CTCF: variants seen among roughly 807,000 people sequenced by gnomAD.
The protein encoded by CTCF is transcriptional repressor CTCF.
In CTCF, 7 loss-of-function variants were observed where a neutral mutation model predicts 72.3. The ratio of observed to expected loss-of-function variants is 0.10; its 90% CI spans 0.06 to 0.18. CTCF has a LOEUF of 0.18. Among genes scored for constraint, CTCF ranks in the 10% least tolerant of loss-of-function variants. The probability of loss-of-function intolerance (pLI) is 1.00; values close to 1 mark genes in which losing one functional copy is unlikely to be tolerated. For synonymous variants in CTCF, 374 were observed against 315.8 expected, an observed-to-expected ratio of 1.18 and a Z score of -1.95; for missense variants, 516 against 949.1, an observed-to-expected ratio of 0.54 and a Z score of 6.00.
chr16:67,565,794 TA>T (rs11343806), intron 1 of CTCF, among the ~76,000 whole-genome samples: 6,299 of 152,244 alleles, frequency 0.041, 434 homozygotes, highest in African/African-American at 0.14. Context: ...CTAAGAGCTT[TA>T]GGATTTTATT....
chr16:67,589,752 C>T (rs1165512776), intron 2 of CTCF, among the ~76,000 whole-genome samples: 2 of 152,140 alleles, frequency 1.3e-5, no homozygotes, highest in African/African-American at 2.4e-5. Context: ...CCTCCAGCCC[C>T]AAATGACGCT....
Position 67,636,683 on chromosome 16 carries a change from T to C in CTCF, c.1838-7T>C. The C allele has an allele frequency of 6.3e-7, 1 of 1,582,556 alleles. No homozygotes were observed. Among genetic ancestry groups the C allele is most frequent in the Non-Finnish European group, 8.6e-7 (1 of 1,162,946 alleles). On this transcript the variant is annotated splice_polypyrimidine_tract_variant and splice_region_variant and intron_variant, in intron 10 of 11. Transcript: ENST00000264010. ...CCACCACCTGTGCTTCCTGATTTCA[T>C]GAAAAGAAAATGCTGAACCAGATCT...
Position 67,620,833 on chromosome 16 carries a change from T to C in CTCF, c.1207+16T>C, listed in dbSNP as rs1013632884. 1 of 1,563,726 alleles carries C rather than the reference T, an allele frequency of 6.4e-7. No homozygotes were observed. Among genetic ancestry groups the C allele is most frequent in the Non-Finnish European group, 8.7e-7 (1 of 1,143,848 alleles). Reference sequence around the variant, plus strand: ...ACCCATTCAGGTAGGACTTCTCCACTCCTTACTGTATTAATGAGCTTCTTT... The same window carrying C: ...ACCCATTCAGGTAGGACTTCTCCACCCCTTACTGTATTAATGAGCTTCTTT... On this transcript the variant is annotated intron_variant, in intron 6 of 11. Coordinates refer to ENST00000264010, the MANE Select transcript of CTCF (RefSeq NM_006565.4).
chr16:67,604,963 G>GA (rs1555533446), intron 2 of CTCF, among the ~76,000 whole-genome samples: 1 of 118,190 alleles, frequency 8.5e-6, no homozygotes, highest in Non-Finnish European at 1.7e-5. Flanking sequence ...GTATAAATGG[G>GA]ATTTTTTTTT....
chr16:67,637,944 C>T lies in CTCF; in HGVS notation c.*72C>T, dbSNP rs142091666. The T allele has an allele frequency of 1.5e-3, 2,054 of 1,331,138 alleles. 32 individuals are homozygous for T. The African/African-American group carries it at 0.026, about 17-fold the overall frequency. The allele number at this position is 1,331,138 out of a possible 1,614,324, so 82.5% of individuals were successfully genotyped here. A position where few individuals can be genotyped will look rare whatever the true frequency, so the allele number is the denominator to read the frequency against. On this transcript the variant is annotated 3_prime_UTR_variant, in exon 12 of 12. Transcript: ENST00000264010. ...ACGGCCCGCATCTTAATTTTTCTCC[C>T]TTCTTTCTTTTTTTGGCTTTGGGAA...
chr16:67,587,595 A>G (rs2051685255), intron 2 of CTCF, among the ~76,000 whole-genome samples: 1 of 151,242 alleles, frequency 6.6e-6, no homozygotes. Context: ...AGAGATTGTT[A>G]AATATTGGTT....
intron 1 of CTCF, among the ~76,000 whole-genome samples, 197 bp downstream of exon 1, chr16:67,562,921 ACGCCCGCCCGCC>A (rs529970183): frequency 1.9e-4 from 8 of 41,398 alleles, no homozygotes; most frequent in African/African-American, 2.8e-4. Context: ...CCCCACCCCC[ACGCCCGCCCGCC>A]CGCCCGCCCG....
chr16:67,591,209 T>A (rs527678817), intron 2 of CTCF, among the ~76,000 whole-genome samples: 71 of 151,998 alleles, frequency 4.7e-4, no homozygotes, highest in African/African-American at 1.7e-3. Context: ...TGAGAATTGC[T>A]TGAACACAGG....
intron 6 of CTCF, 147 bp downstream of exon 6, chr16:67,620,964 A>G: frequency 1.7e-6 from 1 of 582,112 alleles, no homozygotes; most frequent in Non-Finnish European, 2.7e-6. Flanking sequence ...TCTCCGGCAT[A>G]TCCTCTGAAT....
chr16:67,616,545 T>C (rs959127834), intron 4 of CTCF, 200 bp from the exon 5 acceptor site: 3 of 584,756 alleles, frequency 5.1e-6, no homozygotes, highest in Non-Finnish European at 9.2e-6. Flanking sequence ...TGGTATGTGT[T>C]ATAATATCCT....
At chr16:67,608,107 G>A (rs1012623899) in intron 2 of CTCF, among the ~76,000 whole-genome samples, 12 of 151,360 alleles carry the variant, frequency 7.9e-5, no homozygotes, top group African/African-American at 2.7e-4. Flanking sequence ...GGCGGATCAC[G>A]AGGTCAGGAA....
chr16:67,636,546 A>C (rs1194868579), intron 10 of CTCF, 144 bp from the exon 11 acceptor site: 132 of 141,120 alleles, frequency 9.4e-4, no homozygotes, highest in Non-Finnish European at 1.3e-3. Context: ...AGACTGTCTC[A>C]AAAAAAAAAA....
chr16:67,592,291 G>A (rs8055358), intron 2 of CTCF, among the ~76,000 whole-genome samples: 134,758 of 152,046 alleles, frequency 0.89, 60,074 homozygotes, highest in East Asian at 1. Context: ...GTACGCCTGT[G>A]ATCCCAGCTG....
At chr16:67,611,687 T>C (rs558483580) in intron 3 of CTCF, 74 bp downstream of exon 3, 2 of 1,360,068 alleles carry the variant, frequency 1.5e-6, no homozygotes, top group East Asian at 4.6e-5. Context: ...CATATGCAAG[T>C]TGTTTTATAT....
At chr16:67,633,316 C>G (rs2052387909) in intron 10 of CTCF, among the ~76,000 whole-genome samples, 1 of 152,160 alleles carries the variant, frequency 6.6e-6, no homozygotes, top group Non-Finnish European at 1.5e-5. Flanking sequence ...GAAACTGAGT[C>G]TCAGCTGGTC....
intron 2 of CTCF, among the ~76,000 whole-genome samples, chr16:67,603,824 C>CA (rs35360126): frequency 0.076 from 7,054 of 92,916 alleles, 652 homozygotes; most frequent in African/African-American, 0.23. Context: ...GACTCTGTCT[C>CA]AAAAAAAAAA....
intron 2 of CTCF, among the ~76,000 whole-genome samples, chr16:67,577,509 C>G (rs1210785393): frequency 6.7e-6 from 1 of 150,366 alleles, no homozygotes; most frequent in South Asian, 2.1e-4. Context: ...GCGATATTGG[C>G]TCACTGCAAG....
rs1423115872 is a variant in CTCF, at chr16:67,611,371, A to G, written c.539A>G (p.Gln180Arg). Residue 180 changes from glutamine (Q) to arginine (R), a missense_variant, in exon 3 of 12, where the codon CAA (glutamine) becomes CGA (arginine). Gln to Arg is a conservative substitution (Grantham distance 43). This residue lies in a region of CTCF where 53 missense variants were observed against 63.6 expected (regional missense o/e 0.83). Transcript: ENST00000264010. The stretch of plus-strand genomic sequence containing the variant: ...AATGGAGAGGTGGAGACACTAGAAC[A>G]AGGGGAACTTCCACCCCAGGAAGAT... ...GANGEVETLE[Q>R]GELPPQEDPS... The G allele has an allele frequency of 1.2e-6, 2 of 1,614,062 alleles. No individual in the cohort carries two copies. Among genetic ancestry groups the G allele is most frequent in the Middle Eastern group, 1.6e-4 (1 of 6,084 alleles).
intron 1 of CTCF, among the ~76,000 whole-genome samples, chr16:67,564,185 TTTTC>T (rs1375629447): frequency 1.3e-5 from 2 of 152,362 alleles, no homozygotes; most frequent in South Asian, 2.1e-4. Flanking sequence ...GGTCCTTAAG[TTTTC>T]TTTCTTCACT....
Sources: gnomAD v4.1 joint callset for allele counts (sites outside exome capture counted in the v4.1 genomes callset) on GRCh38, gnomAD v4.1.1 for gene constraint, gnomAD v4.1.1 regional missense constraint, MANE v1.5 for transcripts, NCBI Gene and HGNC (gene_info 2026-07-23, HGNC 2026-07-21) for gene names.